The following LRMDA variants were observed in gnomAD, a reference collection of about 807,000 sequenced individuals.
LRMDA encodes leucine-rich melanocyte differentiation-associated protein.
In LRMDA, 18 loss-of-function variants were observed where a neutral mutation model predicts 29.8. That is an observed-to-expected ratio of 0.60 (90% CI 0.42 to 0.90). The LOEUF is 0.90. LRMDA is among the 40% of genes least tolerant of loss of function. The pLI is 0.00. For missense variants in LRMDA, 273 were observed against 273.9 expected (o/e 1.00, Z 0.02); for synonymous variants, 125 against 109.4 (o/e 1.14, Z -0.89).
intron 2 of LRMDA, among the ~76,000 whole-genome samples, chr10:75,452,458 T>A (rs936847641): frequency 6.6e-6 from 1 of 152,090 alleles, no homozygotes; most frequent in South Asian, 2.1e-4. Flanking sequence ...GATTTTTTTT[T>A]CCCCTTTGCT....
intron 2 of LRMDA, among the ~76,000 whole-genome samples, chr10:75,476,672 A>C (rs1007669280): frequency 4.6e-5 from 7 of 151,990 alleles, no homozygotes; most frequent in African/African-American, 1.5e-4. Context: ...TCTTTACCTG[A>C]GCTCCAGCCA....
At chr10:76,377,975 A>G (rs1024023908) in intron 6 of LRMDA, among the ~76,000 whole-genome samples, 2 of 152,090 alleles carry the variant, frequency 1.3e-5, no homozygotes, top group African/African-American at 4.8e-5. Context: ...TCCTTTGGGT[A>G]GTTTGGTCAT....
At chr10:75,710,239 A>T (rs1020369921) in intron 2 of LRMDA, among the ~76,000 whole-genome samples, 3 of 152,130 alleles carry the variant, frequency 2.0e-5, no homozygotes, top group Admixed American at 2.0e-4. Context: ...GAAAACAAAA[A>T]CCACTAGCTT....
At chr10:76,303,817 G>A (rs1380370887) in intron 5 of LRMDA, among the ~76,000 whole-genome samples, 1 of 151,328 alleles carries the variant, frequency 6.6e-6, no homozygotes, top group Non-Finnish European at 1.5e-5. Context: ...GCAGGAATAT[G>A]ACATTCAGTA....
intron 2 of LRMDA, among the ~76,000 whole-genome samples, chr10:75,958,128 C>A (rs1589266809): frequency 1.3e-5 from 2 of 152,228 alleles, no homozygotes; most frequent in South Asian, 4.2e-4. Flanking sequence ...GGTTACACTG[C>A]TACTTATGTG....
At chr10:75,736,529 G>C (rs1462382145) in intron 2 of LRMDA, among the ~76,000 whole-genome samples, 1 of 152,164 alleles carries the variant, frequency 6.6e-6, no homozygotes, top group Non-Finnish European at 1.5e-5. Context: ...CTGTTTATTG[G>C]AGAATGGGTA....
intron 2 of LRMDA, among the ~76,000 whole-genome samples, chr10:75,781,077 T>C (rs1280087267): frequency 6.6e-6 from 1 of 152,228 alleles, no homozygotes; most frequent in South Asian, 2.1e-4. Context: ...TTCCACCTTG[T>C]GAAGACTTGC....
intron 2 of LRMDA, among the ~76,000 whole-genome samples, chr10:75,973,999 G>C (rs757204580): frequency 2.0e-5 from 3 of 152,128 alleles, no homozygotes; most frequent in African/African-American, 4.8e-5. Flanking sequence ...GTCAGGGCTT[G>C]GCACATAGTT....
intron 2 of LRMDA, among the ~76,000 whole-genome samples, chr10:75,966,734 G>C (rs1220770796): frequency 2.0e-5 from 3 of 152,220 alleles, no homozygotes; most frequent in Non-Finnish European, 4.4e-5. Context: ...TTAGAAGTTA[G>C]AGATTCTTGA....
At chr10:76,455,428 G>C (rs1298110616) in intron 6 of LRMDA, among the ~76,000 whole-genome samples, 3 of 152,126 alleles carry the variant, frequency 2.0e-5, no homozygotes, top group Admixed American at 2.0e-4. Context: ...AGTATGCATC[G>C]ATGCTAATCC....
intron 5 of LRMDA, among the ~76,000 whole-genome samples, chr10:76,233,316 A>C (rs1852094558): frequency 6.6e-6 from 1 of 152,246 alleles, no homozygotes; most frequent in African/African-American, 2.4e-5. Context: ...TACATACCTT[A>C]ATTTTAAAAT....
intron 5 of LRMDA, among the ~76,000 whole-genome samples, chr10:76,184,895 A>G (rs112047763): frequency 9.2e-5 from 14 of 152,336 alleles, no homozygotes; most frequent in African/African-American, 2.4e-4. Flanking sequence ...TAATCTACAT[A>G]TTGGCAACTT....
intron 6 of LRMDA, among the ~76,000 whole-genome samples, chr10:76,554,260 T>TGGTATCTCTGTC: frequency 6.6e-6 from 1 of 152,312 alleles, no homozygotes; most frequent in South Asian, 2.1e-4. Flanking sequence ...AATATGGCGC[T>TGGTATCTCTGTC]GGTATCTCTG....
chr10:76,247,017 G>A (rs1852389827), intron 5 of LRMDA, among the ~76,000 whole-genome samples: 1 of 152,184 alleles, frequency 6.6e-6, no homozygotes, highest in Non-Finnish European at 1.5e-5. Flanking sequence ...AACAGAGCAT[G>A]TATTCTCCAG....
chr10:76,330,742 G>C (rs1289787772), intron 6 of LRMDA, among the ~76,000 whole-genome samples: 1 of 152,146 alleles, frequency 6.6e-6, no homozygotes, highest in Non-Finnish European at 1.5e-5. Context: ...TTTGAGCCCT[G>C]TCAGAGGCAG....
intron 6 of LRMDA, among the ~76,000 whole-genome samples, chr10:76,402,997 G>C (rs184815138): frequency 6.6e-6 from 1 of 151,946 alleles, no homozygotes; most frequent in East Asian, 2.0e-4. Flanking sequence ...ATTTGTTTCA[G>C]AGGTCACAAA....
At chr10:76,135,771 CTT>C (rs199666457) in intron 5 of LRMDA, among the ~76,000 whole-genome samples, 9 of 141,750 alleles carry the variant, frequency 6.3e-5, no homozygotes, top group Non-Finnish European at 6.2e-5. Context: ...AATTTTCTTT[CTT>C]TTTTTTTTTT....
intron 5 of LRMDA, among the ~76,000 whole-genome samples, chr10:76,115,682 A>T (rs1188584124): frequency 6.6e-6 from 1 of 152,200 alleles, no homozygotes. Flanking sequence ...GGTGACAGAG[A>T]TGGTAACAGT....
At chr10:76,420,990 T>C (rs753782631) in intron 6 of LRMDA, among the ~76,000 whole-genome samples, 1 of 152,174 alleles carries the variant, frequency 6.6e-6, no homozygotes, top group South Asian at 2.1e-4. Context: ...AGTCCTCACG[T>C]GCAGTATTCT....
Sources: allele counts gnomAD v4.1 joint callset (sites outside exome capture counted in the v4.1 genomes callset), GRCh38; gene constraint gnomAD v4.1.1; transcripts MANE v1.5; gene names NCBI Gene and HGNC (gene_info 2026-07-23, HGNC 2026-07-21).